The following TRIM49C variants were observed in gnomAD, a reference collection of about 807,000 sequenced individuals.
The protein encoded by TRIM49C is tripartite motif-containing protein 49C.
TRIM49C carries 6 observed loss-of-function variants against 21.4 expected under a neutral mutation model. The ratio of observed to expected loss-of-function variants is 0.28; its 90% CI spans 0.15 to 0.55. TRIM49C has a LOEUF of 0.55. TRIM49C is among the 20% of genes least tolerant of loss of function. The pLI is 0.94. For missense variants in TRIM49C, 161 were observed against 442.4 expected (o/e 0.36, Z 5.71); for synonymous variants, 57 against 148.1 (o/e 0.38, Z 4.47).
chr11:90,042,157 T>A (rs976633592), downstream of TRIM49C: 1 of 144,536 alleles, frequency 6.9e-6, no homozygotes, highest in Non-Finnish European at 1.5e-5. Flanking sequence ...AATTGAAATT[T>A]TTTTTAAAAA....
chr11:90,046,059 T>C (rs1398188562), downstream of TRIM49C, among the ~76,000 whole-genome samples: 1 of 121,856 alleles, frequency 8.2e-6, no homozygotes, highest in Non-Finnish European at 1.7e-5. Flanking sequence ...TGTCTTTGGT[T>C]CTGTTTATAT....
chr11:90,041,273 A>T lies in TRIM49C; in HGVS notation c.1082A>T (p.Tyr361Phe), dbSNP rs1208156255. The change falls in exon 8 of 8, where the codon TAT becomes TTT. Residue 361 changes from tyrosine (Y) to phenylalanine (F), a missense_variant. Physicochemically the swap from Tyr to Phe is conservative, Grantham distance 22. Around this residue, in one of 3 missense-constraint regions of TRIM49C, gnomAD observed 63 missense variants for 67.6 expected, o/e 0.93. Transcript: ENST00000448984. ...TGGGCTTTTGGTGTCTGTAATATGT[A>T]TCGGAAGGAGAAGAATCAGAATGAG... is the stretch of plus-strand genomic sequence containing the variant. The part of the protein sequence containing the change: ...WNWAFGVCNM[Y>F]RKEKNQNEKI... The T allele has an allele frequency of 6.3e-7, 1 of 1,582,870 alleles. No individual in the cohort carries two copies. Among genetic ancestry groups the T allele is most frequent in the Non-Finnish European group, 8.6e-7 (1 of 1,160,906 alleles).
downstream of TRIM49C, chr11:90,042,171 A>G (rs932450658): frequency 6.9e-6 from 1 of 145,488 alleles, no homozygotes; most frequent in Admixed American, 6.8e-5. Flanking sequence ...TTAAAAAGTA[A>G]CTAAATATTG....
chr11:90,071,924 T>C, the TRIM49C span: 2 of 435,128 alleles, frequency 4.6e-6, no homozygotes, highest in Non-Finnish European at 8.4e-6. Flanking sequence ...TTTACATTTA[T>C]AGTTTCACTA....
At chr11:90,046,671 A>G (rs1304079765), downstream of TRIM49C, among the ~76,000 whole-genome samples, 1 of 123,140 alleles carries the variant, frequency 8.1e-6, no homozygotes, top group African/African-American at 3.3e-5. Context: ...CTTCTTTATT[A>G]GTCTTGCTAG....
At chr11:90,046,287 G>T (rs1950801087), downstream of TRIM49C, among the ~76,000 whole-genome samples, 1 of 125,318 alleles carries the variant, frequency 8.0e-6, no homozygotes, top group African/African-American at 3.2e-5. Context: ...GATGATGCTG[G>T]CCTCATAAAA....
the TRIM49C span, among the ~76,000 whole-genome samples, chr11:90,060,746 CT>C: frequency 6.5e-5 from 6 of 91,604 alleles, no homozygotes; most frequent in South Asian, 1.8e-3. Flanking sequence ...TATTACTAAC[CT>C]TCCCCTGGCC....
In TRIM49C at chr11:90,041,479, C is replaced by A; in HGVS notation, c.1288C>A (p.Leu430Ile). Reference protein sequence around the residue: ...VSFVDVNQSSLIYTIPNCSFS... With the variant: ...VSFVDVNQSSIIYTIPNCSFS... ...CTTTGTTGATGTTAATCAAAGCTCC[C>A]TAATATACACCATCCCTAATTGCTC... Residue 430 changes from leucine to isoleucine, a missense_variant, in exon 8 of 8, where the codon CTA (leucine) becomes ATA (isoleucine). By Grantham distance (5) the Leu-to-Ile change is conservative. This residue lies in a region of TRIM49C where 18 missense variants were observed against 60.0 expected (regional missense o/e 0.30). Transcript: ENST00000448984. The A allele has an allele frequency of 6.6e-7, 1 of 1,517,446 alleles. No homozygotes were observed. The highest frequency in any genetic ancestry group is 2.4e-5 in the East Asian group (1 of 42,220). 94.0% of individuals were successfully genotyped at this position (1,517,446 alleles called of 1,614,324 possible).
At chr11:90,045,993 C>T (rs1420137759), downstream of TRIM49C, among the ~76,000 whole-genome samples, 3 of 121,392 alleles carry the variant, frequency 2.5e-5, 1 homozygote, top group Non-Finnish European at 5.0e-5. Context: ...GCATGAAGGG[C>T]TGTTGAATTT....
At chr11:90,061,646 A>G in the TRIM49C span, among the ~76,000 whole-genome samples, 1 of 110,068 alleles carries the variant, frequency 9.1e-6, no homozygotes, top group South Asian at 3.4e-4. Flanking sequence ...TACTCTATAT[A>G]CTATTCTATT....
downstream of TRIM49C, among the ~76,000 whole-genome samples, chr11:90,046,217 C>G (rs558069483): frequency 8.0e-6 from 1 of 125,782 alleles, no homozygotes; most frequent in East Asian, 2.5e-4. Context: ...CGATGTTCAT[C>G]AGGGATATTG....
intron 4 of TRIM49C, among the ~76,000 whole-genome samples, chr11:90,036,577 C>G (rs1372977464): frequency 7.6e-6 from 1 of 132,376 alleles, no homozygotes; most frequent in East Asian, 2.3e-4. Context: ...GAACTAGTAT[C>G]TAAACATAAG....
At chr11:90,034,581 T>C (rs757111673) in intron 2 of TRIM49C, among the ~76,000 whole-genome samples, 8 of 118,790 alleles carry the variant, frequency 6.7e-5, no homozygotes, top group Non-Finnish European at 1.3e-4. Flanking sequence ...ATTGCAGTCT[T>C]TTTCTTTGTT....
the TRIM49C span, chr11:90,053,865 T>A: frequency 1.4e-5 from 2 of 144,078 alleles, no homozygotes; most frequent in Admixed American, 7.2e-5. Context: ...AAACCTCCCT[T>A]CTTTTACATT....
downstream of TRIM49C, among the ~76,000 whole-genome samples, chr11:90,042,183 C>T (rs1390541363): frequency 3.4e-4 from 50 of 145,764 alleles, 6 homozygotes; most frequent in Admixed American, 2.8e-3. Context: ...TAAATATTGA[C>T]TCCTACCTCA....
At chr11:90,052,044 C>T in the TRIM49C span, 4 of 635,156 alleles carry the variant, frequency 6.3e-6, 1 homozygote, top group Non-Finnish European at 9.8e-6. Flanking sequence ...TGAGGCGGAC[C>T]CGGGGCACCA....
downstream of TRIM49C, among the ~76,000 whole-genome samples, chr11:90,046,000 A>G (rs1360007900): frequency 8.2e-6 from 1 of 121,558 alleles, no homozygotes; most frequent in Non-Finnish European, 1.7e-5. Flanking sequence ...GGGCTGTTGA[A>G]TTTTGTCAAA....
downstream of TRIM49C, among the ~76,000 whole-genome samples, chr11:90,046,551 G>A (rs1950802793): frequency 1.6e-5 from 2 of 122,118 alleles, 1 homozygote; most frequent in Non-Finnish European, 3.4e-5. Context: ...TAGTTTATTT[G>A]CGTAGAGGTG....
At chr11:90,054,342 C>T in the TRIM49C span, among the ~76,000 whole-genome samples, 2 of 133,134 alleles carry the variant, frequency 1.5e-5, 1 homozygote, top group Non-Finnish European at 3.2e-5. Flanking sequence ...GTTCTCCTTC[C>T]CTTCTAATGC....
Sources: gnomAD v4.1 joint callset for allele counts (sites outside exome capture counted in the v4.1 genomes callset) on GRCh38, gnomAD v4.1.1 for gene constraint, gnomAD v4.1.1 regional missense constraint, MANE v1.5 for transcripts, NCBI Gene and HGNC (gene_info 2026-07-23, HGNC 2026-07-21) for gene names.